The following USP32 variants were observed in gnomAD, a reference collection of about 807,000 sequenced individuals.
USP32 encodes ubiquitin specific peptidase 32, also known as ubiquitin carboxyl-terminal hydrolase 32.
In USP32, 59 loss-of-function variants were observed where a neutral mutation model predicts 204.8. That is an observed-to-expected ratio of 0.29 (90% confidence interval 0.23 to 0.36). The LOEUF is 0.36. Ranked by LOEUF, USP32 falls within the 10% of genes least tolerant of loss-of-function variation. USP32 has a pLI of 1.00. For missense variants in USP32, 1,160 were observed against 1,946.4 expected, an observed-to-expected ratio of 0.60 and a Z score of 7.60; for synonymous variants, 517 against 678.4, an observed-to-expected ratio of 0.76 and a Z score of 3.70.
intron 1 of USP32, among the ~76,000 whole-genome samples, chr17:60,399,501 TA>T (rs545007969): frequency 1.0e-4 from 15 of 148,236 alleles, no homozygotes; most frequent in South Asian, 6.4e-4. Context: ...CAAAAAAATT[TA>T]AAAAAAAAAA....
intron 1 of USP32, among the ~76,000 whole-genome samples, chr17:60,403,697 G>C (rs780099706): frequency 3.3e-5 from 5 of 152,006 alleles, no homozygotes; most frequent in Non-Finnish European, 7.4e-5. Flanking sequence ...AATGCTTCAG[G>C]GACAAACTAT....
At chr17:60,183,579 A>G (rs2084170817) in intron 30 of USP32, 126 bp from the exon 31 acceptor site, 1 of 1,352,638 alleles carries the variant, frequency 7.4e-7, no homozygotes, top group Non-Finnish European at 1.0e-6. Flanking sequence ...ACTCTTCATT[A>G]TTTTTTAAAG....
intron 1 of USP32, chr17:60,421,803 G>A: frequency 1.0e-6 from 1 of 962,908 alleles, no homozygotes; most frequent in Non-Finnish European, 1.2e-6. Context: ...GGAAGAGTCG[G>A]GGTGGCGGGA....
intron 29 of USP32, 109 bp from the exon 30 acceptor site, chr17:60,185,760 A>C (rs2084235091): frequency 7.6e-7 from 1 of 1,308,976 alleles, no homozygotes; most frequent in African/African-American, 1.5e-5. Flanking sequence ...ACTCTATATA[A>C]GGAAAAAGAA....
intron 27 of USP32, among the ~76,000 whole-genome samples, chr17:60,197,966 T>C (rs560809932): frequency 5.3e-5 from 8 of 152,340 alleles, no homozygotes; most frequent in African/African-American, 1.2e-4. Flanking sequence ...TCATACTCTC[T>C]ACTTTTGCAA....
rs182004963 is a variant in USP32, at chr17:60,185,833, G to A, written c.3643-182C>T. 8 of 639,166 alleles carry A rather than the reference G, an allele frequency of 1.3e-5. No homozygotes were observed. The East Asian group carries it at 1.7e-4, about 14-fold the overall frequency. 39.6% of individuals were successfully genotyped at this position (639,166 alleles called of 1,614,324 possible). A position where few individuals can be genotyped will look rare whatever the true frequency, so the allele number is the denominator to read the frequency against. On this transcript the variant is annotated intron_variant, in intron 29 of 33. Coordinates refer to ENST00000300896, the MANE Select transcript of USP32 (RefSeq NM_032582.4). ...TCCCAGCACTTTAGGAGGCCGAGGT[G>A]GGGTAATTGCTTGAGTCCAGGAGTT...
At chr17:60,275,068 C>T (rs2086808380) in intron 5 of USP32, among the ~76,000 whole-genome samples, 1 of 152,178 alleles carries the variant, frequency 6.6e-6, no homozygotes, top group Non-Finnish European at 1.5e-5. Flanking sequence ...AGCTTGAGGG[C>T]TGAGTTTCTG....
chr17:60,311,731 A>G (rs970438453), intron 2 of USP32, among the ~76,000 whole-genome samples: 5 of 152,218 alleles, frequency 3.3e-5, no homozygotes, highest in Non-Finnish European at 7.3e-5. Flanking sequence ...AGGCTGAGGC[A>G]GAAGAATCCC....
chr17:60,361,695 T>G (rs1232462816), intron 1 of USP32, among the ~76,000 whole-genome samples: 1 of 152,186 alleles, frequency 6.6e-6, no homozygotes, highest in African/African-American at 2.4e-5. Context: ...CTATCCTGTA[T>G]AGCCTATCTA....
intron 5 of USP32, among the ~76,000 whole-genome samples, chr17:60,278,273 C>T (rs941527126): frequency 6.6e-6 from 1 of 151,794 alleles, no homozygotes; most frequent in African/African-American, 2.4e-5. Context: ...ATATGCCTGA[C>T]ATTGTACTAA....
chr17:60,314,778 G>GAA (rs1567847404), intron 2 of USP32, among the ~76,000 whole-genome samples: 1 of 151,896 alleles, frequency 6.6e-6, no homozygotes, highest in African/African-American at 2.4e-5. Flanking sequence ...CCAAACAAAG[G>GAA]TATATAATAC....
At chr17:60,387,975 G>A (rs1417126266) in intron 1 of USP32, among the ~76,000 whole-genome samples, 2 of 151,958 alleles carry the variant, frequency 1.3e-5, no homozygotes, top group Non-Finnish European at 2.9e-5. Context: ...TGTAAGTCGG[G>A]GATTGTCTAT....
chr17:60,275,914 T>TAAA (rs763663202), intron 5 of USP32, among the ~76,000 whole-genome samples: 4,906 of 139,472 alleles, frequency 0.035, 285 homozygotes, highest in African/African-American at 0.12. Context: ...TGTCTCTATT[T>TAAA]AAAAAAAAAA....
At chr17:60,399,902 A>G (rs1211882021) in intron 1 of USP32, among the ~76,000 whole-genome samples, 1 of 152,190 alleles carries the variant, frequency 6.6e-6, no homozygotes, top group Non-Finnish European at 1.5e-5. Context: ...AATCCTCTTT[A>G]CAGACTTTGG....
At chr17:60,200,026 T>A (rs576938639) in intron 26 of USP32, among the ~76,000 whole-genome samples, 16 of 151,866 alleles carry the variant, frequency 1.1e-4, no homozygotes, top group African/African-American at 3.9e-4. Context: ...AAACCCTGTC[T>A]CTACTAAAAA....
At chr17:60,328,231 G>T (rs891907684) in intron 2 of USP32, among the ~76,000 whole-genome samples, 2 of 152,208 alleles carry the variant, frequency 1.3e-5, no homozygotes, top group Non-Finnish European at 2.9e-5. Flanking sequence ...AAAGCCCCAG[G>T]ATCAGCCAGA....
At chr17:60,303,430 C>T (rs1191467342) in intron 2 of USP32, among the ~76,000 whole-genome samples, 1 of 151,592 alleles carries the variant, frequency 6.6e-6, no homozygotes, top group Non-Finnish European at 1.5e-5. Flanking sequence ...AATAGGACTA[C>T]AGAGAATGTC....
At chr17:60,392,302 G>T, upstream of USP32, 1 of 346,154 alleles carries the variant, frequency 2.9e-6, no homozygotes, top group South Asian at 2.9e-5. Context: ...GGTAACGGCC[G>T]CCCAGGGCCG....
intron 2 of USP32, among the ~76,000 whole-genome samples, chr17:60,330,453 C>CT (rs2088351657): frequency 6.7e-6 from 1 of 149,624 alleles, no homozygotes; most frequent in Non-Finnish European, 1.5e-5. Flanking sequence ...CTTTTCTTTT[C>CT]TTCCTTCCTT....
Sources: allele counts gnomAD v4.1 joint callset (sites outside exome capture counted in the v4.1 genomes callset), GRCh38; gene constraint gnomAD v4.1.1; transcripts MANE v1.5; gene names NCBI Gene and HGNC (gene_info 2026-07-23, HGNC 2026-07-21).